COLEC10: variants seen among roughly 807,000 people sequenced by gnomAD.
The protein encoded by COLEC10 is collectin-10.
Under a neutral mutation model 28.4 loss-of-function variants are expected in COLEC10, and 22 were observed. The observed-to-expected ratio is 0.78, with a 90% confidence interval of 0.55 to 1.11. The LOEUF (loss-of-function observed/expected upper bound fraction) is 1.11. Ranked by LOEUF, COLEC10 falls within the 50% of genes least tolerant of loss-of-function variation. The pLI is 0.00. For synonymous variants in COLEC10, 125 were observed against 116.1 expected (o/e 1.08, Z -0.49); for missense variants, 361 against 344.1 (o/e 1.05, Z -0.39).
upstream of COLEC10, among the ~76,000 whole-genome samples, chr8:119,065,649 G>C (rs1400536504): frequency 1.3e-5 from 2 of 152,030 alleles, no homozygotes; most frequent in Non-Finnish European, 2.9e-5. Context: ...TTGAGATCAA[G>C]AGTTGGAGAC....
At chr8:119,009,421 C>G (rs1813865208) in intron 1 of COLEC10, 1 of 150,574 alleles carries the variant, frequency 6.6e-6, no homozygotes, top group Non-Finnish European at 1.5e-5. Flanking sequence ...CAAGGCTCTT[C>G]TGCTTGGTCT....
chr8:119,103,361 T>C (rs1815876912), intron 4 of COLEC10, among the ~76,000 whole-genome samples: 2 of 152,184 alleles, frequency 1.3e-5, no homozygotes, highest in Admixed American at 6.6e-5. Context: ...TCATGAAAAG[T>C]TTCTTCTGTC....
the COLEC10 span, among the ~76,000 whole-genome samples, chr8:118,958,659 T>C: frequency 6.6e-6 from 1 of 152,210 alleles, no homozygotes; most frequent in Non-Finnish European, 1.5e-5. Context: ...ATGGCTCCAG[T>C]GGGGAAACTG....
chr8:119,092,492 T>G (rs1815627986), intron 3 of COLEC10, among the ~76,000 whole-genome samples: 1 of 152,208 alleles, frequency 6.6e-6, no homozygotes, highest in Non-Finnish European at 1.5e-5. Context: ...CAGGTTCTAA[T>G]TGCTCCTGAT....
chr8:119,025,805 C>T (rs939704951), intron 2 of COLEC10, among the ~76,000 whole-genome samples: 1 of 152,172 alleles, frequency 6.6e-6, no homozygotes, highest in Non-Finnish European at 1.5e-5. Context: ...TGTTAGAAAA[C>T]ATCAAGACTC....
chr8:119,057,837 A>G (rs77135023), intron 2 of COLEC10, among the ~76,000 whole-genome samples: 2,685 of 152,174 alleles, frequency 0.018, 86 homozygotes, highest in African/African-American at 0.061. Context: ...GAAAATTAAG[A>G]ACTTGCCTCC....
intron 1 of COLEC10, among the ~76,000 whole-genome samples, chr8:119,082,011 A>G (rs1342744572): frequency 6.6e-6 from 1 of 152,222 alleles, no homozygotes; most frequent in African/African-American, 2.4e-5. Context: ...ATATGGTTAC[A>G]GCATAAAGAC....
the COLEC10 span, among the ~76,000 whole-genome samples, chr8:118,962,745 A>T: frequency 6.6e-6 from 1 of 152,198 alleles, no homozygotes; most frequent in Non-Finnish European, 1.5e-5. Context: ...GGAACTTAAG[A>T]CCAATTGAAC....
chr8:119,079,343 T>C (rs377114664), intron 1 of COLEC10, among the ~76,000 whole-genome samples: 53 of 152,264 alleles, frequency 3.5e-4, no homozygotes, highest in Middle Eastern at 3.4e-3. Flanking sequence ...TTTAAATGGG[T>C]TGCTAAAGTC....
At chr8:118,960,804 A>C in the COLEC10 span, among the ~76,000 whole-genome samples, 4 of 150,064 alleles carry the variant, frequency 2.7e-5, no homozygotes, top group African/African-American at 1.0e-4. Context: ...AAAAAAAAAA[A>C]AAAAGATTGT....
chr8:119,027,355 A>T (rs1050691173), intron 2 of COLEC10, among the ~76,000 whole-genome samples: 1 of 152,176 alleles, frequency 6.6e-6, no homozygotes, highest in Admixed American at 6.5e-5. Flanking sequence ...TTTCATATTC[A>T]TGACCCCTCT....
chr8:119,012,498 T>C (rs945567824), intron 2 of COLEC10, among the ~76,000 whole-genome samples: 4 of 150,626 alleles, frequency 2.7e-5, no homozygotes, highest in African/African-American at 9.9e-5. Flanking sequence ...AGTTAGAAAA[T>C]GTTCCCTCTG....
the COLEC10 span, among the ~76,000 whole-genome samples, chr8:118,965,905 A>C: frequency 2.0e-5 from 3 of 152,110 alleles, no homozygotes; most frequent in African/African-American, 7.2e-5. Flanking sequence ...CTAGATGACA[A>C]AAAATTAATT....
chr8:119,075,466 G>A (rs909677681), intron 1 of COLEC10, among the ~76,000 whole-genome samples: 1 of 152,136 alleles, frequency 6.6e-6, no homozygotes, highest in East Asian at 1.9e-4. Flanking sequence ...GTAAAGTAGC[G>A]CCTAACTAAT....
At chr8:119,037,763 C>T (rs1370151279) in intron 2 of COLEC10, among the ~76,000 whole-genome samples, 2 of 152,204 alleles carry the variant, frequency 1.3e-5, no homozygotes, top group East Asian at 3.9e-4. Context: ...TATGCACTTA[C>T]TTTGTGGTGC....
the COLEC10 span, among the ~76,000 whole-genome samples, chr8:118,988,933 A>G: frequency 6.6e-6 from 1 of 152,206 alleles, no homozygotes; most frequent in Non-Finnish European, 1.5e-5. Context: ...CCTTTCAACA[A>G]AATCATAAGG....
At chr8:119,096,494 G>T (rs191138649) in intron 3 of COLEC10, among the ~76,000 whole-genome samples, 2 of 150,478 alleles carry the variant, frequency 1.3e-5, no homozygotes. Context: ...GGGAGCCTGA[G>T]GTGGGAGAAT....
chr8:119,103,768 A>G, intron 4 of COLEC10, 32 bp from the exon 5 acceptor site: 1 of 1,358,922 alleles, frequency 7.4e-7, no homozygotes, highest in Non-Finnish European at 1.1e-6. Context: ...CAGGTACTTC[A>G]ACATGAATTC....
intron 1 of COLEC10, among the ~76,000 whole-genome samples, chr8:119,071,992 C>T (rs1210064656): frequency 2.6e-5 from 4 of 152,174 alleles, no homozygotes; most frequent in African/African-American, 9.7e-5. Context: ...TAAGAACCTC[C>T]CTGCCAGGGG....
Sources: allele counts gnomAD v4.1 joint callset (sites outside exome capture counted in the v4.1 genomes callset), GRCh38; gene constraint gnomAD v4.1.1; transcripts MANE v1.5; gene names NCBI Gene and HGNC (gene_info 2026-07-23, HGNC 2026-07-21).